Variants in LRRC72 observed in about 807,000 individuals in gnomAD.
LRRC72 encodes leucine rich repeat containing 72.
A neutral mutation model predicts 35.8 loss-of-function variants in LRRC72; 41 were observed. That is an observed-to-expected ratio of 1.15 (90% CI 0.89 to 1.49). LRRC72 has a LOEUF of 1.49. LRRC72 is among the 40% of genes most tolerant of loss of function. The pLI, the probability that LRRC72 is intolerant of heterozygous loss-of-function variation, is 0.00. For synonymous variants in LRRC72, 118 were observed against 119.2 expected (o/e 0.99, Z 0.07); for missense variants, 389 against 330.7 (o/e 1.18, Z -1.37).
intron 3 of LRRC72, among the ~76,000 whole-genome samples, chr7:16,547,803 C>G (rs1782474691): frequency 6.6e-6 from 1 of 152,248 alleles, no homozygotes; most frequent in African/African-American, 2.4e-5. Flanking sequence ...CGGCACTGGC[C>G]TGCAGGTGCC....
intron 3 of LRRC72, among the ~76,000 whole-genome samples, chr7:16,556,657 TAAAG>T (rs1782655172): frequency 6.6e-6 from 1 of 152,134 alleles, no homozygotes; most frequent in Admixed American, 6.6e-5. Flanking sequence ...CATGAGGCCA[TAAAG>T]AAAGAGTCCA....
chr7:16,581,389 T>G lies in LRRC72; in HGVS notation c.764T>G (p.Leu255Trp). 2 of 1,550,182 alleles carry G rather than the reference T, an allele frequency of 1.3e-6. No individual in the cohort carries two copies. Among genetic ancestry groups the G allele is most frequent in the Non-Finnish European group, 1.7e-6 (2 of 1,146,662 alleles). ...TCCATGAAGAGATCAGTGATGACTT[T>G]GACCTCTATGAACTGGGACACAGTT... ...VRSMKRSVMTLTSMNWDTVPT... is the reference protein window; with the variant it reads ...VRSMKRSVMTWTSMNWDTVPT... The change falls in exon 9 of 9, where the codon TTG becomes TGG. Residue 255 changes from leucine (L) to tryptophan (W), a missense_variant. Leu to Trp is a moderately conservative substitution (Grantham distance 61, BLOSUM62 -2). Coordinates refer to ENST00000401542, the MANE Select transcript of LRRC72 (RefSeq NM_001195280.2).
At position 16,546,500 on chromosome 7, in the gene LRRC72, C is replaced by A. The variant is rs765109195; in HGVS notation, c.234+8804C>A. Among the ~76,000 whole-genome samples the A allele has an allele frequency of 4.6e-5, 7 of 152,108 alleles. 1 individual carries two copies. Among genetic ancestry groups the A allele is most frequent in the Admixed American group, 4.6e-4 (7 of 15,280 alleles). On this transcript the variant is annotated intron_variant, in intron 3 of 8. Coordinates refer to ENST00000401542, the MANE Select transcript of LRRC72 (RefSeq NM_001195280.2). ...TCCCTGGGGGGCAAAATTCCCCCCA[C>A]CTCCACTGAGAATCATTCAATACAG...
chr7:16,558,883 T>C lies in LRRC72; in HGVS notation c.317-6T>C. The C allele has an allele frequency of 2.9e-6, 4 of 1,387,920 alleles. No homozygotes were observed. The highest frequency in any genetic ancestry group is 3.8e-6 in the Non-Finnish European group (4 of 1,056,720). The allele number at this position is 1,387,920 out of a possible 1,614,324, so 86.0% of individuals were successfully genotyped here. ...AAATCTTGTAAAAATATTCTGTTTTTTTTAGGTCTGCATTATTTGCCTTCA... is the reference window on the plus strand; with the variant it reads ...AAATCTTGTAAAAATATTCTGTTTTCTTTAGGTCTGCATTATTTGCCTTCA... On this transcript the variant is annotated splice_region_variant and splice_polypyrimidine_tract_variant and intron_variant, in intron 4 of 8. Transcript: ENST00000401542.
intron 1 of LRRC72, chr7:16,530,657 C>T (rs1444181082): frequency 2.0e-5 from 3 of 152,216 alleles, no homozygotes; most frequent in Non-Finnish European, 4.4e-5. Context: ...GACTATTTCA[C>T]AACCACAGAA....
chr7:16,574,138 A>T (rs1782997391), intron 7 of LRRC72, among the ~76,000 whole-genome samples: 1 of 152,248 alleles, frequency 6.6e-6, no homozygotes, highest in South Asian at 2.1e-4. Context: ...ATCATTAAAA[A>T]GTCAGGAAAC....
chr7:16,552,129 A>G (rs1782563677), intron 3 of LRRC72, among the ~76,000 whole-genome samples: 1 of 152,154 alleles, frequency 6.6e-6, no homozygotes, highest in African/African-American at 2.4e-5. Flanking sequence ...CAGAGGAGAA[A>G]ATCTGTTTTT....
chr7:16,532,378 A>T, intron 1 of LRRC72, 117 bp from the exon 2 acceptor site: 1 of 684,848 alleles, frequency 1.5e-6, no homozygotes, highest in Non-Finnish European at 2.6e-6. Flanking sequence ...TAGAATGGTT[A>T]CCTCCATATT....
chr7:16,571,736 G>T (rs1039247780), intron 7 of LRRC72, among the ~76,000 whole-genome samples: 1 of 152,132 alleles, frequency 6.6e-6, no homozygotes, highest in African/African-American at 2.4e-5. Flanking sequence ...ACACCACCAG[G>T]GCCCTGGGTT....
At chr7:16,578,191 T>G (rs1783076769) in intron 7 of LRRC72, among the ~76,000 whole-genome samples, 1 of 152,216 alleles carries the variant, frequency 6.6e-6, no homozygotes, top group Admixed American at 6.5e-5. Flanking sequence ...ACTATTCCAT[T>G]ATAGAATTAA....
intron 3 of LRRC72, among the ~76,000 whole-genome samples, chr7:16,546,620 C>T (rs1457381559): frequency 1.3e-5 from 2 of 152,160 alleles, no homozygotes; most frequent in East Asian, 3.9e-4. Flanking sequence ...CAAGTTCTTA[C>T]AGTAGCCAAC....
chr7:16,540,177 A>G (rs921311372), intron 3 of LRRC72, among the ~76,000 whole-genome samples: 10 of 152,222 alleles, frequency 6.6e-5, no homozygotes, highest in Admixed American at 1.3e-4. Context: ...CCAAGGCCAT[A>G]GGAGCCCACC....
intron 5 of LRRC72, among the ~76,000 whole-genome samples, chr7:16,563,717 T>C (rs1418460766): frequency 1.3e-5 from 2 of 152,190 alleles, no homozygotes; most frequent in Non-Finnish European, 2.9e-5. Flanking sequence ...GTTAAAAATA[T>C]GATTGCTTCT....
chr7:16,579,329 C>G (rs894699897), intron 7 of LRRC72, among the ~76,000 whole-genome samples: 1 of 152,174 alleles, frequency 6.6e-6, no homozygotes, highest in Admixed American at 6.5e-5. Flanking sequence ...GAGAGACTTT[C>G]GTTAGCCACT....
At chr7:16,565,465 A>T (rs1018211465) in intron 5 of LRRC72, among the ~76,000 whole-genome samples, 16 of 152,170 alleles carry the variant, frequency 1.1e-4, no homozygotes, top group African/African-American at 3.1e-4. Flanking sequence ...AAAATCATTA[A>T]AGTTTTATTT....
At chr7:16,528,951 G>C (rs1292930908) in intron 1 of LRRC72, among the ~76,000 whole-genome samples, 1 of 152,066 alleles carries the variant, frequency 6.6e-6, no homozygotes, top group Non-Finnish European at 1.5e-5. Flanking sequence ...GGAAAAATCA[G>C]AATTAGACTT....
Position 16,573,507 on chromosome 7 carries a change from A to G in LRRC72, c.670+5964A>G, listed in dbSNP as rs970168892. Among the ~76,000 whole-genome samples the G allele has an allele frequency of 6.6e-5, 10 of 152,350 alleles. No homozygotes were observed. In the South Asian group the frequency reaches 2.1e-3, roughly 32 times the overall value. On this transcript the variant is annotated intron_variant, in intron 7 of 8. Transcript: ENST00000401542. The stretch of plus-strand genomic sequence containing the variant: ...GCCTCAGAAATAATGCCACACATCT[A>G]CAACCATCTGATCTTTGACAAACCT...
intron 7 of LRRC72, among the ~76,000 whole-genome samples, chr7:16,576,538 A>G (rs1261773336): frequency 1.3e-5 from 2 of 152,190 alleles, no homozygotes; most frequent in African/African-American, 2.4e-5. Flanking sequence ...TCCTTATCAA[A>G]TAAGTATGGT....
At chr7:16,581,290 C>T in intron 8 of LRRC72, 34 bp from the exon 9 acceptor site, 1 of 1,409,888 alleles carries the variant, frequency 7.1e-7, no homozygotes, top group Non-Finnish European at 9.3e-7. Context: ...TTTTTGATTG[C>T]TTTTTTTCTG....
Sources: gnomAD v4.1 joint callset for allele counts (sites outside exome capture counted in the v4.1 genomes callset) on GRCh38, gnomAD v4.1.1 for gene constraint, MANE v1.5 for transcripts, NCBI Gene and HGNC (gene_info 2026-07-23, HGNC 2026-07-21) for gene names.